Variants in HECW1 observed in about 807,000 individuals in gnomAD.
The protein encoded by HECW1 is E3 ubiquitin-protein ligase HECW1.
HECW1 carries 61 observed loss-of-function variants against 182.3 expected under a neutral mutation model. That is an observed-to-expected ratio of 0.33 (90% CI 0.27 to 0.41). The LOEUF (loss-of-function observed/expected upper bound fraction) is 0.41, where lower values mean the gene tolerates loss of function less well. Ranked by LOEUF, HECW1 falls within the 10% of genes least tolerant of loss-of-function variation. The probability of loss-of-function intolerance (pLI) is 1.00; values close to 1 mark genes in which losing one functional copy is unlikely to be tolerated. For synonymous variants in HECW1, 859 were observed against 832.6 expected, an observed-to-expected ratio of 1.03 and a Z score of -0.55; for missense variants, 1,739 against 2,108.9, an observed-to-expected ratio of 0.82 and a Z score of 3.44.
At chr7:43,360,527 A>G (rs1815735340) in intron 5 of HECW1, among the ~76,000 whole-genome samples, 1 of 152,240 alleles carries the variant, frequency 6.6e-6, no homozygotes. Context: ...ATCACAATGA[A>G]TTAAATAATA....
intron 19 of HECW1, among the ~76,000 whole-genome samples, chr7:43,499,562 A>C (rs920827012): frequency 6.6e-6 from 1 of 152,066 alleles, no homozygotes; most frequent in African/African-American, 2.4e-5. Flanking sequence ...GGTATACAGG[A>C]TCTGTCTGTT....
chr7:43,201,931 G>A (rs1795048710), intron 2 of HECW1, among the ~76,000 whole-genome samples: 1 of 152,168 alleles, frequency 6.6e-6, no homozygotes, highest in African/African-American at 2.4e-5. Context: ...TTACGACTCT[G>A]GGGTAGAATC....
intron 5 of HECW1, among the ~76,000 whole-genome samples, chr7:43,326,313 C>T (rs1420807918): frequency 6.6e-6 from 1 of 152,210 alleles, no homozygotes; most frequent in African/African-American, 2.4e-5. Context: ...GTGAGGTGAA[C>T]CTCACACAGG....
rs1375648508 is a variant in HECW1, at chr7:43,445,030, C to T, written c.1858C>T (p.Pro620Ser). The change falls in exon 11 of 30, where the codon CCC becomes TCC. Residue 620 changes from proline to serine, a missense_variant. By Grantham distance (74) the Pro-to-Ser change is moderately conservative. Transcript: ENST00000395891. ...PSALEEDREEPEGATPGTAHP... is the reference protein window; with the variant it reads ...PSALEEDREESEGATPGTAHP... ...TGCCCTGGAAGAGGACAGAGAAGAG[C>T]CCGAGGGGGCTACTCCAGGCACGGC... is the stretch of plus-strand genomic sequence containing the variant. 6 of 1,565,172 alleles carry T rather than the reference C, an allele frequency of 3.8e-6. No individual in the cohort carries two copies. The South Asian group carries it at 6.0e-5, about 16-fold the overall frequency.
At chr7:43,391,326 C>G (rs73328040) in intron 6 of HECW1, among the ~76,000 whole-genome samples, 2,124 of 152,284 alleles carry the variant, frequency 0.014, 47 homozygotes, top group African/African-American at 0.048. Flanking sequence ...GAAATGAAAA[C>G]TCTCTTCCTC....
At chr7:43,514,953 C>T (rs1483048888) in intron 24 of HECW1, among the ~76,000 whole-genome samples, 1 of 152,170 alleles carries the variant, frequency 6.6e-6, no homozygotes, top group African/African-American at 2.4e-5. Flanking sequence ...GCTCTATCAT[C>T]AGGATCTAGC....
intron 24 of HECW1, among the ~76,000 whole-genome samples, chr7:43,520,762 T>A (rs963671845): frequency 4.6e-5 from 7 of 152,138 alleles, no homozygotes; most frequent in Non-Finnish European, 1.0e-4. Context: ...GGGTGCCTGG[T>A]TCACTGAGCC....
intron 2 of HECW1, among the ~76,000 whole-genome samples, chr7:43,153,998 G>A (rs1023894069): frequency 6.6e-5 from 10 of 152,122 alleles, no homozygotes; most frequent in East Asian, 1.9e-4. Flanking sequence ...TGGAGATGTA[G>A]CCTTAATCTT....
intron 4 of HECW1, among the ~76,000 whole-genome samples, chr7:43,312,920 G>A (rs556402376): frequency 9.6e-4 from 146 of 152,330 alleles, no homozygotes; most frequent in Middle Eastern, 3.4e-3. Context: ...ATTCAACACC[G>A]GGTCATCCGA....
rs373021380 is a variant in HECW1 at position 43,256,848 on chromosome 7, AAAAG to A, written c.27+12925_27+12928del. On this transcript the variant is annotated intron_variant, in intron 3 of 29. Coordinates refer to ENST00000395891, the MANE Select transcript of HECW1 (RefSeq NM_015052.5). ...CCTCCCCCAACAACCTCCCTCACAA[AAAAG>A]AAAGAAAGTAAGGTATATAAACCAT... Among the ~76,000 whole-genome samples, 129 of 152,218 alleles carry A rather than the reference AAAAG, an allele frequency of 8.5e-4. 1 individual carries two copies. The highest frequency in any genetic ancestry group is 6.8e-3 in the Middle Eastern group (2 of 294).
At chr7:43,227,895 G>C (rs1797570040) in intron 2 of HECW1, among the ~76,000 whole-genome samples, 3 of 152,162 alleles carry the variant, frequency 2.0e-5, no homozygotes, top group Non-Finnish European at 4.4e-5. Context: ...GGGGGAAGCA[G>C]GTTACCAGTA....
chr7:43,401,133 A>C (rs1037100480), intron 7 of HECW1, among the ~76,000 whole-genome samples: 3 of 152,184 alleles, frequency 2.0e-5, no homozygotes, highest in African/African-American at 4.8e-5. Flanking sequence ...CATAGGCTCC[A>C]AGGATTAGGA....
chr7:43,278,567 C>T (rs369833120), intron 3 of HECW1, among the ~76,000 whole-genome samples: 2 of 152,136 alleles, frequency 1.3e-5, no homozygotes, highest in African/African-American at 2.4e-5. Context: ...TCCCAGAGCC[C>T]CAACCATGGC....
At chr7:43,304,807 T>A (rs1807340866) in intron 3 of HECW1, among the ~76,000 whole-genome samples, 1 of 152,228 alleles carries the variant, frequency 6.6e-6, no homozygotes, top group African/African-American at 2.4e-5. Flanking sequence ...ACAAAGTATT[T>A]ACTGAGCATC....
Position 43,212,667 on chromosome 7 carries a change from G to A in HECW1, c.-31-31208G>A, listed in dbSNP as rs145608534. On this transcript the variant is annotated intron_variant, in intron 2 of 29. Transcript: ENST00000395891. ...AGAATGATTTATTATCTTGTTTATA[G>A]AACTTACTTTAAAATGGATAAATAT... Among the ~76,000 whole-genome samples the A allele has an allele frequency of 2.0e-5, 3 of 152,200 alleles. No homozygotes were observed. The South Asian group carries it at 6.2e-4, about 32-fold the overall frequency.
At chr7:43,458,289 G>A (rs1461745049) in intron 13 of HECW1, among the ~76,000 whole-genome samples, 1 of 152,216 alleles carries the variant, frequency 6.6e-6, no homozygotes, top group East Asian at 1.9e-4. Flanking sequence ...AAGAGGTACT[G>A]TTTTGAACAC....
intron 3 of HECW1, among the ~76,000 whole-genome samples, chr7:43,307,624 T>A (rs1276499390): frequency 6.6e-6 from 1 of 152,112 alleles, no homozygotes; most frequent in Non-Finnish European, 1.5e-5. Context: ...GAAGAGAGAA[T>A]GATTAAATTG....
chr7:43,148,626 T>C (rs1421933125), intron 2 of HECW1: 1 of 151,976 alleles, frequency 6.6e-6, no homozygotes, highest in Non-Finnish European at 1.5e-5. Context: ...GCCTGTACTC[T>C]TTGGATTTCT....
At chr7:43,143,324 A>G (rs984750916) in intron 2 of HECW1, among the ~76,000 whole-genome samples, 14 of 152,016 alleles carry the variant, frequency 9.2e-5, no homozygotes, top group Non-Finnish European at 1.8e-4. Flanking sequence ...CGCTCTGTCA[A>G]TGATGCTGAA....
Sources: allele counts gnomAD v4.1 joint callset (sites outside exome capture counted in the v4.1 genomes callset), GRCh38; gene constraint gnomAD v4.1.1; transcripts MANE v1.5; gene names NCBI Gene and HGNC (gene_info 2026-07-23, HGNC 2026-07-21).